Variants in LRBA observed in about 807,000 individuals in gnomAD.
LRBA encodes the protein lipopolysaccharide-responsive and beige-like anchor protein.
Under a neutral mutation model 330.0 loss-of-function variants are expected in LRBA, and 176 were observed. The observed-to-expected ratio is 0.53, with a 90% CI of 0.47 to 0.60. The LOEUF is 0.60. Among genes scored for constraint, LRBA ranks in the 20% least tolerant of loss-of-function variants. The probability of loss-of-function intolerance (pLI) is 0.00; values close to 1 mark genes in which losing one functional copy is unlikely to be tolerated. For missense variants in LRBA, 3,259 were observed against 3,444.8 expected, an observed-to-expected ratio of 0.95 and a Z score of 1.35; for synonymous variants, 1,230 against 1,193.0, an observed-to-expected ratio of 1.03 and a Z score of -0.64.
At chr4:150,615,647 A>G (rs1416016735) in intron 37 of LRBA, among the ~76,000 whole-genome samples, 4 of 152,180 alleles carry the variant, frequency 2.6e-5, no homozygotes, top group Non-Finnish European at 5.9e-5. Flanking sequence ...TAATAAAGAA[A>G]GTCTAAAATT....
chr4:150,792,821 C>T (rs1408570597), intron 34 of LRBA, among the ~76,000 whole-genome samples: 1 of 152,158 alleles, frequency 6.6e-6, no homozygotes, highest in Non-Finnish European at 1.5e-5. Context: ...TGGCTCAGGC[C>T]TGTAATCCCA....
chr4:150,724,905 C>T lies in LRBA; in HGVS notation c.5754+10353G>A, dbSNP rs550856187. Among the ~76,000 whole-genome samples the T allele has an allele frequency of 2.2e-3, 308 of 143,186 alleles. 2 individuals are homozygous for T. The highest frequency in any genetic ancestry group is 0.01 in the East Asian group (52 of 5,000). 93.9% of individuals were successfully genotyped at this position (143,186 alleles called of 152,430 possible). A position where few individuals can be genotyped will look rare whatever the true frequency, so the allele number is the denominator to read the frequency against. On this transcript the variant is annotated intron_variant, in intron 36 of 56. Coordinates refer to ENST00000651943, the MANE Select transcript of LRBA (RefSeq NM_001364905.1). ...ATACATATATATATGTATATATATA[C>T]ACACACACACACACACATACATATA...
chr4:150,998,340 C>T (rs114304272), intron 2 of LRBA, among the ~76,000 whole-genome samples: 2,901 of 143,952 alleles, frequency 0.02, 76 homozygotes, highest in African/African-American at 0.07. Context: ...GTAACGAGAA[C>T]GAAACTCCGT....
At chr4:150,538,445 A>G (rs1410692345) in intron 40 of LRBA, among the ~76,000 whole-genome samples, 2 of 152,176 alleles carry the variant, frequency 1.3e-5, no homozygotes, top group Non-Finnish European at 2.9e-5. Context: ...ATCATGGAAA[A>G]CTGCACAGCC....
intron 46 of LRBA, among the ~76,000 whole-genome samples, chr4:150,430,000 C>G (rs1750158878): frequency 6.6e-6 from 1 of 152,044 alleles, no homozygotes; most frequent in Non-Finnish European, 1.5e-5. Context: ...TCATAGTTTT[C>G]TTCTTAAAGG....
chr4:151,014,306 G>T (rs945534555), intron 2 of LRBA, 121 bp downstream of exon 2: 1 of 675,110 alleles, frequency 1.5e-6, no homozygotes, highest in Non-Finnish European at 2.5e-6. Context: ...GTAGAATTTT[G>T]TGTCCCTATA....
intron 2 of LRBA, among the ~76,000 whole-genome samples, chr4:151,009,065 C>T (rs1282879441): frequency 1.6e-5 from 2 of 125,774 alleles, no homozygotes; most frequent in Non-Finnish European, 3.2e-5. Context: ...CAAGGTCTTA[C>T]TATGTTGCAC....
chr4:150,471,542 T>C (rs1756129921), intron 43 of LRBA, 82 bp downstream of exon 43: 2 of 767,146 alleles, frequency 2.6e-6, no homozygotes, highest in Admixed American at 5.2e-5. Flanking sequence ...AACAAGCTAG[T>C]TATACCACTA....
intron 40 of LRBA, among the ~76,000 whole-genome samples, chr4:150,539,722 C>T (rs1354836077): frequency 6.6e-6 from 1 of 152,194 alleles, no homozygotes; most frequent in Non-Finnish European, 1.5e-5. Context: ...CTGAACACTA[C>T]TCAGTGTGCT....
At chr4:150,971,874 A>G (rs536758004) in intron 2 of LRBA, among the ~76,000 whole-genome samples, 1 of 152,320 alleles carries the variant, frequency 6.6e-6, no homozygotes, top group South Asian at 2.1e-4. Context: ...AGATGCCTTT[A>G]ATGTATCATC....
rs768537354 is a variant in LRBA at position 150,767,778 on chromosome 4, A to AT, written c.5581-5932dup. Reference sequence around the variant, plus strand: ...TTGCAAAAAAAAAAAAAAAAAAAAAATTTGGCCAGGCGCGGTGGCTCACAC... The same window carrying AT: ...TTGCAAAAAAAAAAAAAAAAAAAAAATTTTGGCCAGGCGCGGTGGCTCACAC... On this transcript the variant is annotated intron_variant, in intron 34 of 56. Transcript: ENST00000651943. Among the ~76,000 whole-genome samples the AT allele has an allele frequency of 9.8e-5, 14 of 142,616 alleles. 2 individuals carry two copies. Among genetic ancestry groups the AT allele is most frequent in the Non-Finnish European group, 1.1e-4 (7 of 66,086 alleles). The allele number at this position is 142,616 out of a possible 152,430, so 93.6% of individuals were successfully genotyped here. A position where few individuals can be genotyped will look rare whatever the true frequency, so the allele number is the denominator to read the frequency against.
chr4:150,482,838 A>G (rs984129736), intron 42 of LRBA, among the ~76,000 whole-genome samples: 7 of 151,982 alleles, frequency 4.6e-5, no homozygotes, highest in Admixed American at 4.6e-4. Context: ...TTGTTGAAGT[A>G]TCTGTTCAAA....
chr4:150,852,901 T>C lies in LRBA; in HGVS notation c.2809A>G (p.Arg937Gly), dbSNP rs777646601. 1.3e-6 allele frequency: 2 copies of C among 1,597,964 alleles called. No individual in the cohort carries two copies. The highest frequency in any genetic ancestry group is 8.5e-7 in the Non-Finnish European group (1 of 1,173,568). ...TCATCAACTTTTCCTTGCTGTTCCCTAAATATATTGGCAAGGTTTTCTTTG... is the reference window on the plus strand; with the variant it reads ...TCATCAACTTTTCCTTGCTGTTCCCCAAATATATTGGCAAGGTTTTCTTTG... ...IHKENLANIF[R>G]EQQGKVDEEI... The change falls in exon 23 of 57, where the codon AGG (arginine) becomes GGG (glycine). Residue 937 changes from arginine (R) to glycine (G), a missense_variant. Physicochemically the swap from Arg to Gly is moderately radical, Grantham distance 125. Transcript: ENST00000651943.
intron 35 of LRBA, among the ~76,000 whole-genome samples, chr4:150,761,141 A>T (rs1735028036): frequency 6.6e-6 from 1 of 152,066 alleles, no homozygotes; most frequent in Non-Finnish European, 1.5e-5. Flanking sequence ...AAAATCAGCT[A>T]CTACAAATCA....
intron 46 of LRBA, among the ~76,000 whole-genome samples, chr4:150,416,724 A>G: frequency 6.6e-6 from 1 of 152,156 alleles, no homozygotes; most frequent in East Asian, 1.9e-4. Flanking sequence ...ATCTTCAAAA[A>G]CAATGTATAT....
At chr4:150,536,093 T>G (rs76679726) in intron 40 of LRBA, among the ~76,000 whole-genome samples, 22,319 of 152,162 alleles carry the variant, frequency 0.15, 1,675 homozygotes, top group Middle Eastern at 0.18. Flanking sequence ...GGTAGGACAC[T>G]CTACAGAACA....
chr4:150,820,381 C>A (rs1415081017), intron 30 of LRBA, among the ~76,000 whole-genome samples: 1 of 151,878 alleles, frequency 6.6e-6, no homozygotes, highest in African/African-American at 2.4e-5. Context: ...GGTATGCTCA[C>A]AAAGTTGTAT....
chr4:150,889,420 A>C (rs1449546915), intron 17 of LRBA, among the ~76,000 whole-genome samples: 1 of 152,104 alleles, frequency 6.6e-6, no homozygotes, highest in Non-Finnish European at 1.5e-5. Flanking sequence ...AGGCGGGCAG[A>C]TCATGAGGTC....
At position 150,310,142 on chromosome 4, in the gene LRBA, G is replaced by A; in HGVS notation, c.7849+87C>T. On this transcript the variant is annotated intron_variant, in intron 52 of 56. Transcript: ENST00000651943. ...TAAATTTTAGGATTTTGTAATTTTT[G>A]GAAGGAAGCAGATAAGAATGCATCC... 4 of 878,722 alleles carry A rather than the reference G, an allele frequency of 4.6e-6. No homozygotes were observed. The South Asian group carries it at 7.2e-5, about 16-fold the overall frequency. The allele number at this position is 878,722 out of a possible 1,614,324, so 54.4% of individuals were successfully genotyped here. A position where few individuals can be genotyped will look rare whatever the true frequency, so the allele number is the denominator to read the frequency against.
Sources: gnomAD v4.1 joint callset for allele counts (sites outside exome capture counted in the v4.1 genomes callset) on GRCh38, gnomAD v4.1.1 for gene constraint, MANE v1.5 for transcripts, NCBI Gene and HGNC (gene_info 2026-07-23, HGNC 2026-07-21) for gene names.